The following TMC2 variants were observed in gnomAD, a reference collection of about 807,000 sequenced individuals.
TMC2 encodes transmembrane channel-like protein 2.
Under a neutral mutation model 105.9 loss-of-function variants are expected in TMC2, and 102 were observed. The observed-to-expected ratio is 0.96, with a 90% CI of 0.82 to 1.14. The LOEUF (loss-of-function observed/expected upper bound fraction) is 1.14, where lower values mean the gene tolerates loss of function less well. TMC2 is among the 50% of genes most tolerant of loss of function. The pLI is 0.00. For synonymous variants in TMC2, 402 were observed against 422.8 expected (o/e 0.95, Z 0.60); for missense variants, 1,093 against 1,134.3 (o/e 0.96, Z 0.52).
intron 2 of TMC2, among the ~76,000 whole-genome samples, chr20:2,553,270 C>G (rs2085967409): frequency 1.0e-5 from 1 of 97,610 alleles, no homozygotes; most frequent in Non-Finnish European, 2.2e-5. Context: ...GAATTATCCC[C>G]TAGTTTGCTG....
At chr20:2,536,750 G>A in intron 1 of TMC2, 95 bp downstream of exon 1, 2 of 1,395,172 alleles carry the variant, frequency 1.4e-6, no homozygotes, top group Non-Finnish European at 2.0e-6. Context: ...AGAGGCATAG[G>A]GAGGAGCTGG....
intron 11 of TMC2, among the ~76,000 whole-genome samples, chr20:2,608,936 A>G (rs950784157): frequency 2.0e-5 from 3 of 152,194 alleles, no homozygotes; most frequent in South Asian, 2.1e-4. Context: ...AGTGACTCAC[A>G]CATAGTAAGT....
chr20:2,638,562 G>A (rs2146274635), intron 19 of TMC2, among the ~76,000 whole-genome samples: 1 of 152,250 alleles, frequency 6.6e-6, no homozygotes, highest in East Asian at 1.9e-4. Context: ...AGAAGGTGTT[G>A]TTATCACAGG....
At chr20:2,581,976 AAG>A (rs373484242) in intron 7 of TMC2, among the ~76,000 whole-genome samples, 8 of 150,788 alleles carry the variant, frequency 5.3e-5, no homozygotes, top group Non-Finnish European at 1.0e-4. Flanking sequence ...GGTTGAGAGT[AAG>A]AGAGAGAGAG....
At chr20:2,624,559 G>A (rs777185046) in intron 17 of TMC2, among the ~76,000 whole-genome samples, 163 bp downstream of exon 17, 1 of 152,164 alleles carries the variant, frequency 6.6e-6, no homozygotes. Flanking sequence ...GAGGGGGTGA[G>A]GACTTGAGAC....
chr20:2,614,298 G>GA (rs1207563250), intron 14 of TMC2, among the ~76,000 whole-genome samples: 2 of 152,074 alleles, frequency 1.3e-5, no homozygotes, highest in East Asian at 3.8e-4. Flanking sequence ...AGAATATCCA[G>GA]AAAAAATATT....
At position 2,548,358 on chromosome 20, in the gene TMC2, G is replaced by C. The variant is rs534392629; in HGVS notation, c.83-10098G>C. 1.2e-3 allele frequency among the ~76,000 whole-genome samples: 176 copies of C among 152,344 alleles called. 1 individual carries two copies. Among genetic ancestry groups the C allele is most frequent in the African/African-American group, 4.1e-3 (170 of 41,576 alleles). Reference sequence around the variant, plus strand: ...ATCCTTTCTTACTTAGAAATTAGTGGCCAGGTGTGGTGGCTCATGCCTCTA... The same window carrying C: ...ATCCTTTCTTACTTAGAAATTAGTGCCCAGGTGTGGTGGCTCATGCCTCTA... On this transcript the variant is annotated intron_variant, in intron 2 of 19. Transcript: ENST00000358864.
chr20:2,611,529 G>A (rs938711299), intron 12 of TMC2, among the ~76,000 whole-genome samples: 3 of 152,148 alleles, frequency 2.0e-5, no homozygotes, highest in Admixed American at 2.0e-4. Context: ...TCCTTCTTGA[G>A]GTTTTGGCCC....
At chr20:2,593,128 G>C (rs935321661) in intron 8 of TMC2, among the ~76,000 whole-genome samples, 1 of 152,120 alleles carries the variant, frequency 6.6e-6, no homozygotes, top group South Asian at 2.1e-4. Context: ...GAAGGCAAAG[G>C]GGAAGCAAGG....
chr20:2,575,712 C>G (rs963270724), intron 5 of TMC2, among the ~76,000 whole-genome samples: 2 of 152,020 alleles, frequency 1.3e-5, no homozygotes, highest in African/African-American at 4.8e-5. Flanking sequence ...TGCCTCCCCC[C>G]ACCCCCATCC....
At chr20:2,604,968 C>G (rs1056899248) in intron 11 of TMC2, among the ~76,000 whole-genome samples, 3 of 152,106 alleles carry the variant, frequency 2.0e-5, no homozygotes, top group African/African-American at 7.2e-5. Flanking sequence ...AGCAAATGAC[C>G]AAACCCAAGA....
rs767590070 is a variant in TMC2 at position 2,537,289 on chromosome 20, C to A, written c.55C>A (p.Arg19=). Residue 19 remains arginine (R), a synonymous_variant, in exon 2 of 20, where the codon CGG becomes AGG. Coordinates refer to ENST00000358864, the MANE Select transcript of TMC2 (RefSeq NM_080751.3). ...TACAGCACGAGGCGGAGTGAAAGGG[C>A]GGGTGAAGAGCGGCTCTCCACACAC... ...KEEARGGVKG[R]VKSGSPHTGD... is the part of the protein sequence containing the mutation. 35 of 1,603,660 alleles carry A rather than the reference C, an allele frequency of 2.2e-5. No homozygotes were observed. In the African/African-American group the frequency reaches 4.4e-4, roughly 20 times the overall value.
intron 5 of TMC2, among the ~76,000 whole-genome samples, chr20:2,578,463 G>A (rs1402454322): frequency 6.6e-6 from 1 of 152,214 alleles, no homozygotes; most frequent in Non-Finnish European, 1.5e-5. Flanking sequence ...ATGTGGGGCT[G>A]GTGGAGAGCA....
At chr20:2,586,681 A>G (rs76360871) in intron 7 of TMC2, among the ~76,000 whole-genome samples, 2,478 of 152,304 alleles carry the variant, frequency 0.016, 26 homozygotes, top group Non-Finnish European at 0.025. Context: ...CCAAGGGGAT[A>G]GTGCTAAGCC....
At chr20:2,627,675 T>C (rs2086573828) in intron 17 of TMC2, among the ~76,000 whole-genome samples, 1 of 152,160 alleles carries the variant, frequency 6.6e-6, no homozygotes, top group Non-Finnish European at 1.5e-5. Context: ...TGCCTGTCAC[T>C]CTCCCATGTC....
In TMC2 at chr20:2,599,443, G is replaced by A. The variant is rs75276004; in HGVS notation, c.1224+2145G>A. ...TCCAGCTGGGAAGCAAATGAATGAA[G>A]GCCAAAGCTGTAATGCTGAAGCATT... is the stretch of plus-strand genomic sequence containing the variant. On this transcript the variant is annotated intron_variant, in intron 10 of 19. Coordinates refer to ENST00000358864, the MANE Select transcript of TMC2 (RefSeq NM_080751.3). Among the ~76,000 whole-genome samples the A allele has an allele frequency of 8.5e-3, 1,287 of 151,154 alleles. 14 individuals are homozygous for A. Among genetic ancestry groups the A allele is most frequent in the African/African-American group, 0.03 (1,239 of 41,192 alleles).
chr20:2,634,568 C>A (rs984598959), intron 17 of TMC2, among the ~76,000 whole-genome samples: 6 of 152,204 alleles, frequency 3.9e-5, no homozygotes, highest in African/African-American at 1.4e-4. Context: ...AAGCCAGACA[C>A]CAAACCTGAC....
At chr20:2,539,767 C>T (rs942886196) in intron 2 of TMC2, among the ~76,000 whole-genome samples, 11 of 152,142 alleles carry the variant, frequency 7.2e-5, no homozygotes, top group African/African-American at 2.7e-4. Flanking sequence ...CAAATCATAC[C>T]TCACTGGCTA....
Position 2,643,147 on chromosome 20 carries a change from G to C in TMC2, c.*1796G>C, listed in dbSNP as rs1157060307. ...AATCTCTCCTGGCAAGGCTAACGAA[G>C]ATGTTGCAATGCCTGATTTCCATGG... On this transcript the variant is annotated 3_prime_UTR_variant, in exon 20 of 20. Coordinates refer to ENST00000358864, the MANE Select transcript of TMC2 (RefSeq NM_080751.3). 6.6e-6 allele frequency among the ~76,000 whole-genome samples: 1 copy of C among 152,162 alleles called. No individual in the cohort carries two copies. The highest frequency in any genetic ancestry group is 2.4e-5 in the African/African-American group (1 of 41,424).
Sources: allele counts gnomAD v4.1 joint callset (sites outside exome capture counted in the v4.1 genomes callset), GRCh38; gene constraint gnomAD v4.1.1; transcripts MANE v1.5; gene names NCBI Gene and HGNC (gene_info 2026-07-23, HGNC 2026-07-21).